The following NTM variants were observed in gnomAD, a reference collection of about 807,000 sequenced individuals.
The protein encoded by NTM is neurotrimin.
A neutral mutation model predicts 42.1 loss-of-function variants in NTM; 13 were observed. The observed-to-expected ratio is 0.31, with a 90% CI of 0.20 to 0.49. The LOEUF is 0.49. Among genes scored for constraint, NTM ranks in the 20% least tolerant of loss-of-function variants. The pLI is 0.99. For synonymous variants in NTM, 187 were observed against 179.2 expected (o/e 1.04, Z -0.35); for missense variants, 373 against 452.8 (o/e 0.82, Z 1.60).
chr11:132,107,396 G>T (rs2062539676), intron 2 of NTM, among the ~76,000 whole-genome samples: 1 of 134,316 alleles, frequency 7.4e-6, no homozygotes, highest in African/African-American at 2.9e-5. Context: ...TGTTGCCTAG[G>T]CTGGAGTACA....
At chr11:132,024,614 G>A (rs1216338093) in intron 2 of NTM, among the ~76,000 whole-genome samples, 1 of 152,112 alleles carries the variant, frequency 6.6e-6, no homozygotes, top group East Asian at 1.9e-4. Flanking sequence ...CAGTCATATA[G>A]GGCAAATGTG....
chr11:132,040,421 T>G (rs2077034316), intron 2 of NTM, among the ~76,000 whole-genome samples: 1 of 152,210 alleles, frequency 6.6e-6, no homozygotes, highest in African/African-American at 2.4e-5. Context: ...CACCAAGAAA[T>G]GGGGCAGTTT....
At chr11:131,477,174 C>T (rs1187306172) in intron 1 of NTM, among the ~76,000 whole-genome samples, 2 of 152,086 alleles carry the variant, frequency 1.3e-5, no homozygotes, top group African/African-American at 4.8e-5. Context: ...GTAAGAATCA[C>T]ATCTATTTGT....
intron 1 of NTM, among the ~76,000 whole-genome samples, chr11:131,854,845 G>T (rs1187918006): frequency 6.6e-6 from 1 of 152,196 alleles, no homozygotes; most frequent in Non-Finnish European, 1.5e-5. Context: ...AACTTGGGAT[G>T]TAGGTTTTTC....
At chr11:131,529,667 A>G (rs78117366) in intron 1 of NTM, among the ~76,000 whole-genome samples, 3,035 of 152,264 alleles carry the variant, frequency 0.02, 92 homozygotes, top group African/African-American at 0.068. Context: ...ATATTTATAC[A>G]AGAAAGATAA....
intron 1 of NTM, among the ~76,000 whole-genome samples, chr11:131,608,860 G>A (rs957540688): frequency 1.3e-5 from 2 of 152,186 alleles, no homozygotes; most frequent in African/African-American, 2.4e-5. Flanking sequence ...ATTCAATGGT[G>A]TCCTACAGTG....
intron 1 of NTM, among the ~76,000 whole-genome samples, chr11:131,686,215 T>A (rs1165127543): frequency 6.6e-6 from 1 of 152,190 alleles, no homozygotes; most frequent in Admixed American, 6.5e-5. Context: ...ATGCGGTGGT[T>A]GGGGGTGCCG....
At chr11:131,474,828 T>C (rs957066265) in intron 1 of NTM, among the ~76,000 whole-genome samples, 1 of 152,148 alleles carries the variant, frequency 6.6e-6, no homozygotes, top group Non-Finnish European at 1.5e-5. Context: ...CTATCCTCCA[T>C]ACTGCTCCCA....
At chr11:131,857,292 C>T (rs530489721) in intron 1 of NTM, among the ~76,000 whole-genome samples, 1 of 152,274 alleles carries the variant, frequency 6.6e-6, no homozygotes, top group African/African-American at 2.4e-5. Context: ...ATACTATACC[C>T]CTGAGCTATT....
chr11:132,283,808 C>T (rs2094109743), intron 4 of NTM, among the ~76,000 whole-genome samples: 1 of 151,992 alleles, frequency 6.6e-6, no homozygotes, highest in Non-Finnish European at 1.5e-5. Context: ...CAATGGGGGG[C>T]TTTAGAGGGA....
At chr11:131,516,992 A>G (rs893678646) in intron 1 of NTM, among the ~76,000 whole-genome samples, 3 of 152,188 alleles carry the variant, frequency 2.0e-5, no homozygotes, top group East Asian at 1.9e-4. Context: ...ATAAAATAAG[A>G]TGGGCATGGG....
At chr11:131,944,299 T>G (rs1727229204) in intron 2 of NTM, among the ~76,000 whole-genome samples, 1 of 152,220 alleles carries the variant, frequency 6.6e-6, no homozygotes, top group Admixed American at 6.5e-5. Context: ...ATCCTTCTGC[T>G]CATATTGCTT....
intron 1 of NTM, among the ~76,000 whole-genome samples, chr11:131,507,304 T>G (rs1316460237): frequency 6.6e-6 from 1 of 151,940 alleles, no homozygotes; most frequent in Non-Finnish European, 1.5e-5. Context: ...CACCATTTAT[T>G]AAATAGGGAA....
intron 1 of NTM, among the ~76,000 whole-genome samples, chr11:131,461,216 T>C (rs1420721762): frequency 6.6e-6 from 1 of 152,194 alleles, no homozygotes; most frequent in East Asian, 1.9e-4. Context: ...CTTCTGACAA[T>C]AAGACTTGGG....
chr11:131,448,025 G>T (rs1950193130), intron 1 of NTM, among the ~76,000 whole-genome samples: 1 of 152,208 alleles, frequency 6.6e-6, no homozygotes, highest in Non-Finnish European at 1.5e-5. Flanking sequence ...CTGGTGGCTT[G>T]GAGGGTTGCA....
intron 1 of NTM, among the ~76,000 whole-genome samples, chr11:131,797,676 A>G (rs775714524): frequency 1.3e-5 from 2 of 152,268 alleles, no homozygotes; most frequent in African/African-American, 2.4e-5. Flanking sequence ...ACAATTACCA[A>G]CGTAACTCCC....
At chr11:131,373,910 C>A (rs577969146) in intron 1 of NTM, among the ~76,000 whole-genome samples, 1 of 152,224 alleles carries the variant, frequency 6.6e-6, no homozygotes, top group Admixed American at 6.5e-5. Flanking sequence ...GTTCACACTC[C>A]CCTTCGCGCA....
intron 1 of NTM, among the ~76,000 whole-genome samples, chr11:131,690,673 G>A (rs1162047801): frequency 6.6e-6 from 1 of 152,206 alleles, no homozygotes; most frequent in Non-Finnish European, 1.5e-5. Context: ...GCGGGAGAAT[G>A]GCTGGAAGCA....
intron 1 of NTM, among the ~76,000 whole-genome samples, chr11:131,852,628 G>C (rs1376260359): frequency 6.6e-6 from 1 of 152,082 alleles, no homozygotes; most frequent in Admixed American, 6.5e-5. Context: ...TCAGGGGCAT[G>C]TTTTCTGCCT....
Sources: allele counts gnomAD v4.1 joint callset (sites outside exome capture counted in the v4.1 genomes callset), GRCh38; gene constraint gnomAD v4.1.1; transcripts MANE v1.5; gene names NCBI Gene and HGNC (gene_info 2026-07-23, HGNC 2026-07-21).